Variants in ARID3B observed in about 807,000 individuals in gnomAD.
The protein encoded by ARID3B is AT-rich interactive domain-containing protein 3B.
A neutral mutation model predicts 51.9 loss-of-function variants in ARID3B; 10 were observed. The observed-to-expected ratio is 0.19, with a 90% CI of 0.12 to 0.33. The LOEUF is 0.33. ARID3B is among the 10% of genes least tolerant of loss of function. The pLI is 1.00. For synonymous variants in ARID3B, 205 were observed against 279.5 expected (o/e 0.73, Z 2.66); for missense variants, 483 against 716.3 (o/e 0.67, Z 3.72).
intron 2 of ARID3B, among the ~76,000 whole-genome samples, chr15:74,563,617 A>G (rs1197601285): frequency 2.0e-5 from 3 of 151,966 alleles, no homozygotes; most frequent in Non-Finnish European, 4.4e-5. Context: ...ACTTTGTGCA[A>G]CTCTGTGTGG....
intron 7 of ARID3B, 60 bp from the exon 8 acceptor site, chr15:74,593,078 A>G: frequency 6.7e-7 from 1 of 1,500,832 alleles, no homozygotes; most frequent in Non-Finnish European, 9.2e-7. Context: ...AGCATCAGAG[A>G]GGACAACAGG....
chr15:74,567,960 T>C (rs2061705770), intron 2 of ARID3B, among the ~76,000 whole-genome samples: 1 of 152,212 alleles, frequency 6.6e-6, no homozygotes, highest in Non-Finnish European at 1.5e-5. Flanking sequence ...GGCCTGTGTG[T>C]GCATGTCACA....
chr15:74,563,386 C>A (rs1237496490), intron 2 of ARID3B, among the ~76,000 whole-genome samples: 4 of 152,132 alleles, frequency 2.6e-5, no homozygotes, highest in Non-Finnish European at 2.9e-5. Context: ...CTTGTGGAAT[C>A]CCAAATTTGA....
At chr15:74,558,097 A>G (rs1384144231) in intron 2 of ARID3B, among the ~76,000 whole-genome samples, 1 of 151,318 alleles carries the variant, frequency 6.6e-6, no homozygotes, top group Non-Finnish European at 1.5e-5. Context: ...CTGGGATTAC[A>G]GGCGTGAGCC....
At chr15:74,580,804 C>G (rs535829178) in intron 4 of ARID3B, among the ~76,000 whole-genome samples, 1 of 152,186 alleles carries the variant, frequency 6.6e-6, no homozygotes, top group Non-Finnish European at 1.5e-5. Flanking sequence ...CTCATGTCTT[C>G]GGCAGCATTC....
rs541701316 is a variant in ARID3B at position 74,597,708 on chromosome 15, C to T, written c.*1934C>T. On this transcript the variant is annotated 3_prime_UTR_variant, in exon 9 of 9. Coordinates refer to ENST00000346246, the MANE Select transcript of ARID3B (RefSeq NM_006465.4). ...CAGGGGTTTGGTCACAAAGGATGGA[C>T]TCTTCCCACCCAGAGGATGCAGGGA... 6.1e-6 allele frequency: 3 copies of T among 495,828 alleles called. No homozygotes were observed. In the East Asian group the frequency reaches 1.2e-4, roughly 20 times the overall value. The allele number at this position is 495,828 out of a possible 1,614,324, so 30.7% of individuals were successfully genotyped here. A position where few individuals can be genotyped will look rare whatever the true frequency, so the allele number is the denominator to read the frequency against.
rs202077230 is a variant in ARID3B at position 74,553,803 on chromosome 15, TTTTATTTA to T, written c.552+9338_552+9345del. Among the ~76,000 whole-genome samples, 23 of 150,242 alleles carry T rather than the reference TTTTATTTA, an allele frequency of 1.5e-4. 1 individual carries two copies. Among genetic ancestry groups the T allele is most frequent in the South Asian group, 4.2e-4 (2 of 4,786 alleles). ...TCTTTTTTTTGTTTTGTTTTTTAAT[TTTTATTTA>T]TTTATTTATTTATTTATTTATTATT... On this transcript the variant is annotated intron_variant, in intron 2 of 8. Coordinates refer to ENST00000346246, the MANE Select transcript of ARID3B (RefSeq NM_006465.4).
At chr15:74,589,021 CTTTTTTTTTT>C (rs900091332) in intron 4 of ARID3B, among the ~76,000 whole-genome samples, 12 of 87,852 alleles carry the variant, frequency 1.4e-4, no homozygotes, top group East Asian at 1.3e-3. Flanking sequence ...CAAGCACACT[CTTTTTTTTTT>C]TTTTTTTTTT....
intron 4 of ARID3B, chr15:74,574,166 CAACTT>C (rs2061729064): frequency 6.6e-6 from 1 of 152,264 alleles, no homozygotes; most frequent in Non-Finnish European, 1.5e-5. Context: ...CTGAGTGACT[CAACTT>C]CCTGGCTTTG....
intron 4 of ARID3B, among the ~76,000 whole-genome samples, chr15:74,576,586 G>T (rs1218442477): frequency 2.6e-5 from 4 of 152,010 alleles, no homozygotes; most frequent in African/African-American, 4.8e-5. Context: ...TCGAGCCGGG[G>T]ACTTGGGGGC....
intron 2 of ARID3B, among the ~76,000 whole-genome samples, chr15:74,556,050 C>T (rs1005120981): frequency 2.0e-5 from 3 of 152,002 alleles, no homozygotes; most frequent in Non-Finnish European, 2.9e-5. Context: ...CCTCAGCCTC[C>T]GAAGGTGCTG....
chr15:74,562,384 G>A (rs187890251), intron 2 of ARID3B, among the ~76,000 whole-genome samples: 3 of 152,094 alleles, frequency 2.0e-5, no homozygotes, highest in East Asian at 3.8e-4. Flanking sequence ...CAGGTGATCC[G>A]CCCACCTCGG....
intron 5 of ARID3B, 69 bp downstream of exon 5, chr15:74,590,072 G>C: frequency 6.9e-7 from 1 of 1,448,288 alleles, no homozygotes; most frequent in Non-Finnish European, 9.2e-7. Context: ...CTAGAGGAGA[G>C]GAAGGAAGGA....
At chr15:74,582,230 C>T (rs899456766) in intron 4 of ARID3B, among the ~76,000 whole-genome samples, 15 of 151,630 alleles carry the variant, frequency 9.9e-5, no homozygotes, top group African/African-American at 2.4e-4. Flanking sequence ...TGCAGTGGCG[C>T]GATTTCGGCT....
At chr15:74,579,979 C>A (rs949631637) in intron 4 of ARID3B, among the ~76,000 whole-genome samples, 1 of 152,046 alleles carries the variant, frequency 6.6e-6, no homozygotes, top group African/African-American at 2.4e-5. Context: ...TCACTTGAGG[C>A]CAGGGGTTTG....
chr15:74,547,059 TCTTTA>T (rs1197534158), intron 2 of ARID3B, among the ~76,000 whole-genome samples: 3 of 152,178 alleles, frequency 2.0e-5, no homozygotes, highest in Non-Finnish European at 2.9e-5. Context: ...TTGTTCAAAA[TCTTTA>T]CTTTATGAAA....
intron 2 of ARID3B, among the ~76,000 whole-genome samples, chr15:74,550,134 C>G (rs1046732370): frequency 6.6e-6 from 1 of 152,160 alleles, no homozygotes; most frequent in African/African-American, 2.4e-5. Context: ...TGTCTTTCCT[C>G]TAGTCATCTA....
At chr15:74,556,825 A>G (rs1444897011) in intron 2 of ARID3B, among the ~76,000 whole-genome samples, 1 of 127,790 alleles carries the variant, frequency 7.8e-6, no homozygotes, top group African/African-American at 3.1e-5. Flanking sequence ...CCCAGGCTGG[A>G]GTGCAGAGGT....
intron 7 of ARID3B, among the ~76,000 whole-genome samples, chr15:74,592,764 C>A (rs985323961): frequency 2.0e-5 from 3 of 152,194 alleles, no homozygotes; most frequent in African/African-American, 7.2e-5. Context: ...CAGGTGGGTC[C>A]TCAAAGTTGG....
Sources: allele counts gnomAD v4.1 joint callset (sites outside exome capture counted in the v4.1 genomes callset), GRCh38; gene constraint gnomAD v4.1.1; transcripts MANE v1.5; gene names NCBI Gene and HGNC (gene_info 2026-07-23, HGNC 2026-07-21).